The following ATRNL1 variants were observed in gnomAD, a reference collection of about 807,000 sequenced individuals.
ATRNL1 encodes attractin-like protein 1.
In ATRNL1, 95 loss-of-function variants were observed where a neutral mutation model predicts 182.7. That is an observed-to-expected ratio of 0.52 (90% CI 0.44 to 0.62). ATRNL1 has a LOEUF of 0.62. ATRNL1 is among the 20% of genes least tolerant of loss of function. ATRNL1 has a pLI of 0.00. For missense variants in ATRNL1, 1,471 were observed against 1,679.5 expected, an observed-to-expected ratio of 0.88 and a Z score of 2.17; for synonymous variants, 576 against 568.3, an observed-to-expected ratio of 1.01 and a Z score of -0.19.
chr10:115,271,636 A>G (rs1237915524), intron 13 of ATRNL1, among the ~76,000 whole-genome samples: 4 of 152,362 alleles, frequency 2.6e-5, no homozygotes, highest in African/African-American at 9.6e-5. Flanking sequence ...CATCAATGAT[A>G]GACTGGATTA....
intron 18 of ATRNL1, among the ~76,000 whole-genome samples, chr10:115,316,368 C>T (rs151269754): frequency 0.013 from 1,967 of 152,124 alleles, 38 homozygotes; most frequent in African/African-American, 0.044. Flanking sequence ...TTAATGGGCG[C>T]TTGGGTTGGT....
intron 19 of ATRNL1, among the ~76,000 whole-genome samples, chr10:115,357,895 C>A (rs1420385405): frequency 6.6e-6 from 1 of 151,364 alleles, no homozygotes; most frequent in Non-Finnish European, 1.5e-5. Context: ...TAAATATATT[C>A]TCTCTCCATC....
At chr10:115,873,728 C>T (rs577301608) in intron 28 of ATRNL1, among the ~76,000 whole-genome samples, 17 of 152,208 alleles carry the variant, frequency 1.1e-4, no homozygotes, top group South Asian at 6.2e-4. Context: ...TCAGTCAAAA[C>T]GGCAGAGGGA....
rs115830841 is a variant in ATRNL1, at chr10:115,897,641, G to A, written c.4019-47017G>A. ...TCCTCACAAAGGGACAGGCACTCTC[G>A]GCTCCAGCTATTTGTCACCATCAGG... is the stretch of plus-strand genomic sequence containing the variant. On this transcript the variant is annotated intron_variant, in intron 28 of 28. Coordinates refer to ENST00000355044, the MANE Select transcript of ATRNL1 (RefSeq NM_207303.4). Among the ~76,000 whole-genome samples the A allele has an allele frequency of 6.6e-3, 997 of 152,196 alleles. 15 individuals carry two copies. The highest frequency in any genetic ancestry group is 0.023 in the African/African-American group (954 of 41,496).
intron 26 of ATRNL1, among the ~76,000 whole-genome samples, chr10:115,621,852 G>C (rs185609936): frequency 1.5e-3 from 223 of 152,250 alleles, no homozygotes; most frequent in African/African-American, 5.2e-3. Flanking sequence ...TGTTAAAAAT[G>C]CAAAAAGTCT....
At chr10:115,490,251 C>A (rs1849232280) in intron 24 of ATRNL1, among the ~76,000 whole-genome samples, 1 of 152,074 alleles carries the variant, frequency 6.6e-6, no homozygotes, top group South Asian at 2.1e-4. Context: ...CTCTGTATTT[C>A]CTGAATTTGA....
intron 8 of ATRNL1, among the ~76,000 whole-genome samples, chr10:115,177,715 T>A (rs548285307): frequency 2.0e-5 from 3 of 151,860 alleles, no homozygotes; most frequent in East Asian, 3.9e-4. Flanking sequence ...CCTCAAGAGA[T>A]CTGCCTGTTT....
intron 26 of ATRNL1, among the ~76,000 whole-genome samples, chr10:115,609,977 G>C (rs1592942707): frequency 6.6e-6 from 1 of 152,230 alleles, no homozygotes; most frequent in Non-Finnish European, 1.5e-5. Flanking sequence ...GAAGATAACT[G>C]ACCATAGAAA....
At chr10:115,545,139 G>A (rs1378074057) in intron 25 of ATRNL1, among the ~76,000 whole-genome samples, 1 of 150,592 alleles carries the variant, frequency 6.6e-6, no homozygotes, top group African/African-American at 2.4e-5. Context: ...GGAGGCTGAG[G>A]CAGGAGAATG....
At chr10:115,597,128 T>C (rs1555014244) in intron 26 of ATRNL1, among the ~76,000 whole-genome samples, 1 of 152,208 alleles carries the variant, frequency 6.6e-6, no homozygotes, top group African/African-American at 2.4e-5. Context: ...CTCCAAAGGA[T>C]ACATCATTAA....
chr10:115,664,645 A>C (rs1190601486), intron 26 of ATRNL1, among the ~76,000 whole-genome samples: 1 of 152,130 alleles, frequency 6.6e-6, no homozygotes, highest in Non-Finnish European at 1.5e-5. Flanking sequence ...GTTTATAATC[A>C]CTTTCCAGTA....
intron 28 of ATRNL1, among the ~76,000 whole-genome samples, chr10:115,929,820 A>G (rs1009598402): frequency 6.6e-6 from 1 of 152,150 alleles, no homozygotes; most frequent in African/African-American, 2.4e-5. Context: ...ATATGTCAAT[A>G]TGTTAAAGAT....
chr10:115,141,092 A>G (rs1292384565), intron 5 of ATRNL1, among the ~76,000 whole-genome samples: 2 of 152,140 alleles, frequency 1.3e-5, no homozygotes, highest in African/African-American at 4.8e-5. Flanking sequence ...TTCCCAGTGG[A>G]ATATAAACTC....
chr10:115,307,122 A>G (rs1288717491), intron 17 of ATRNL1, among the ~76,000 whole-genome samples: 1 of 152,020 alleles, frequency 6.6e-6, no homozygotes, highest in Non-Finnish European at 1.5e-5. Flanking sequence ...CAGATAGTCT[A>G]GTTTGCTATT....
At chr10:115,627,337 T>G (rs1858171051) in intron 26 of ATRNL1, among the ~76,000 whole-genome samples, 1 of 152,166 alleles carries the variant, frequency 6.6e-6, no homozygotes, top group Admixed American at 6.6e-5. Flanking sequence ...TTTACGTTTT[T>G]GAAGTTTATT....
In ATRNL1 at chr10:115,921,309, T is replaced by C. The variant is rs539415465; in HGVS notation, c.4019-23349T>C. ...ATAGATAGTCTAAAGGATATGGATA[T>C]AGGTTGTATTTAAGCAGTGTTTTTT... On this transcript the variant is annotated intron_variant, in intron 28 of 28. Coordinates refer to ENST00000355044, the MANE Select transcript of ATRNL1 (RefSeq NM_207303.4). Among the ~76,000 whole-genome samples, 176 of 113,548 alleles carry C rather than the reference T, an allele frequency of 1.6e-3. 1 individual carries two copies. Among genetic ancestry groups the C allele is most frequent in the African/African-American group, 4.6e-3 (170 of 36,878 alleles). 74.5% of individuals were successfully genotyped at this position (113,548 alleles called of 152,430 possible). A position where few individuals can be genotyped will look rare whatever the true frequency, so the allele number is the denominator to read the frequency against.
intron 24 of ATRNL1, among the ~76,000 whole-genome samples, chr10:115,469,743 A>G (rs376820632): frequency 1.3e-5 from 2 of 150,644 alleles, no homozygotes; most frequent in Middle Eastern, 3.2e-3. Flanking sequence ...TTGAGTTAGC[A>G]GTATTTCAGT....
chr10:115,938,793 T>TA (rs1156960740), intron 28 of ATRNL1, among the ~76,000 whole-genome samples: 1 of 151,970 alleles, frequency 6.6e-6, no homozygotes, highest in Non-Finnish European at 1.5e-5. Context: ...ATGTAGAATC[T>TA]AAAAAAGGTG....
intron 9 of ATRNL1, among the ~76,000 whole-genome samples, chr10:115,225,970 G>A (rs1849678163): frequency 6.6e-6 from 1 of 151,302 alleles, no homozygotes; most frequent in African/African-American, 2.4e-5. Context: ...AACAAAGCTG[G>A]AGGACTTTTC....
Sources: gnomAD v4.1 joint callset for allele counts (sites outside exome capture counted in the v4.1 genomes callset) on GRCh38, gnomAD v4.1.1 for gene constraint, MANE v1.5 for transcripts, NCBI Gene and HGNC (gene_info 2026-07-23, HGNC 2026-07-21) for gene names.